The following MXRA8 variants were observed in gnomAD, a reference collection of about 807,000 sequenced individuals.
The protein encoded by MXRA8 is matrix remodeling associated 8.
MXRA8 carries 44 observed loss-of-function variants against 51.4 expected under a neutral mutation model. The observed-to-expected ratio is 0.86, with a 90% CI of 0.67 to 1.10. The LOEUF is 1.10. MXRA8 is among the 50% of genes least tolerant of loss of function. The probability of loss-of-function intolerance (pLI) is 0.00; values close to 1 mark genes in which losing one functional copy is unlikely to be tolerated. For missense variants in MXRA8, 765 were observed against 638.9 expected (o/e 1.20, Z -2.13); for synonymous variants, 369 against 293.5 (o/e 1.26, Z -2.63).
chr1:1,353,649 ACGG>A lies in MXRA8; in HGVS notation c.1304-23_1304-21del, dbSNP rs1327447438. 8 of 1,562,462 alleles carry A rather than the reference ACGG, an allele frequency of 5.1e-6. No individual in the cohort carries two copies. The African/African-American group carries it at 1.1e-4, about 21-fold the overall frequency. On this transcript the variant is annotated intron_variant, in intron 9 of 9. Coordinates refer to ENST00000309212, the MANE Select transcript of MXRA8 (RefSeq NM_032348.4). ...GGAACCCTGGAAGCCAAGGGCGCCA[ACGG>A]GTTGGCGGCTGTCCTCCACCCTCAT...
chr1:1,353,050 G>C lies in MXRA8; in HGVS notation c.*554C>G. On this transcript the variant is annotated 3_prime_UTR_variant, in exon 10 of 10. Coordinates refer to ENST00000309212, the MANE Select transcript of MXRA8 (RefSeq NM_032348.4). ...AGCAGGTCCCTGGGGAGAACAGATG[G>C]TGCCTGGAGTCCCACATGGTGGTAC... is the stretch of plus-strand genomic sequence containing the variant. 1.7e-6 allele frequency: 1 copy of C among 594,606 alleles called. No homozygotes were observed. The allele number at this position is 594,606 out of a possible 1,614,324, so 36.8% of individuals were successfully genotyped here.
At chr1:1,363,031 C>T (rs4970439), upstream of MXRA8, among the ~76,000 whole-genome samples, 132,762 of 151,430 alleles carry the variant, frequency 0.88, 58,567 homozygotes, top group Non-Finnish European at 0.94. Flanking sequence ...TGCAGTCAGC[C>T]GAGATTGCAC....
At position 1,354,193 on chromosome 1, in the gene MXRA8, C is replaced by T. The variant is rs1413207410; in HGVS notation, c.1145G>A (p.Gly382Glu). ...GGAGGGCCGGGAGGGGGGCACTCACCCCTTTGACTTTCCCGACTTCTGGTC... is the reference window on the plus strand; with the variant it reads ...GGAGGGCCGGGAGGGGGGCACTCACTCCTTTGACTTTCCCGACTTCTGGTC... ...YSDQKSGKSK[G>E]KDVNLAEFAV... The change falls in exon 7 of 10, where the codon GGG (glycine) becomes GAG (glutamate). Residue 382 changes from glycine (G) to glutamate (E), a missense_variant and splice_region_variant. Gly to Glu is a moderately conservative substitution (Grantham distance 98). Transcript: ENST00000309212. 6.2e-7 allele frequency: 1 copy of T among 1,612,710 alleles called. No homozygotes were observed. The highest frequency in any genetic ancestry group is 1.7e-5 in the Admixed American group (1 of 60,002).
At chr1:1,359,509 C>A, upstream of MXRA8, 1 of 985,466 alleles carries the variant, frequency 1.0e-6, no homozygotes, top group Non-Finnish European at 1.2e-6. Flanking sequence ...TCCGCCCGCC[C>A]ACTTGGAGTG....
upstream of MXRA8, chr1:1,361,432 A>C: frequency 5.6e-5 from 35 of 628,504 alleles, no homozygotes; most frequent in East Asian, 1.4e-4. Context: ...GGAATGAGAC[A>C]GGGGTCGGGG....
Position 1,354,052 on chromosome 1 carries a change from G to A in MXRA8, c.1200C>T (p.Tyr400=), listed in dbSNP as rs1014995351. Residue 400 remains tyrosine, a synonymous_variant, in exon 8 of 10, where the codon TAC becomes TAT. Coordinates refer to ENST00000309212, the MANE Select transcript of MXRA8 (RefSeq NM_032348.4). The part of the protein sequence containing the change: ...FAVAAGDQML[Y]RSEDIQLDYK... The stretch of plus-strand genomic sequence containing the variant: ...CACCTAGCTGGATGTCCTCACTCCT[G>A]TAAAGCATCTGGTCCCCTGCAGCCA... The A allele has an allele frequency of 1.2e-6, 2 of 1,612,938 alleles. No homozygotes were observed. The highest frequency in any genetic ancestry group is 8.5e-7 in the Non-Finnish European group (1 of 1,179,988).
In MXRA8 at chr1:1,355,046, G is replaced by C; in HGVS notation, c.585C>G (p.Asp195Glu). The change falls in exon 5 of 10, where the codon GAC becomes GAG. Residue 195 changes from aspartate to glutamate, a missense_variant. Asp to Glu is a conservative substitution (Grantham distance 45). Coordinates refer to ENST00000309212, the MANE Select transcript of MXRA8 (RefSeq NM_032348.4). ...TCVNRGHVWT[D>E]RHVEEAQQVV... ...CCTGTTGAGCCTCCTCCACGTGCCG[G>C]TCGGTCCACACGTGCCCGCGGTTCA... 2 of 1,607,976 alleles carry C rather than the reference G, an allele frequency of 1.2e-6. No homozygotes were observed. The highest frequency in any genetic ancestry group is 1.7e-6 in the Non-Finnish European group (2 of 1,178,362).
At chr1:1,354,277 G>A in intron 6 of MXRA8, 45 bp from the exon 7 acceptor site, 2 of 1,603,922 alleles carry the variant, frequency 1.2e-6, no homozygotes, top group Non-Finnish European at 1.7e-6. Context: ...CCCTTCCGCA[G>A]GTCCCCCAGC....
At chr1:1,360,434 C>G (rs113843160), upstream of MXRA8, among the ~76,000 whole-genome samples, 558 of 137,114 alleles carry the variant, frequency 4.1e-3, 3 homozygotes, top group African/African-American at 0.013. Context: ...ACCTGCTCCT[C>G]CCAGGGCCAG....
rs1282374390 is a variant in MXRA8, at chr1:1,353,215, C to G, written c.*389G>C. 7.7e-7 allele frequency: 1 copy of G among 1,304,398 alleles called. No homozygotes were observed. Among genetic ancestry groups the G allele is most frequent in the Non-Finnish European group, 1.1e-6 (1 of 923,718 alleles). The allele number at this position is 1,304,398 out of a possible 1,614,324, so 80.8% of individuals were successfully genotyped here. A position where few individuals can be genotyped will look rare whatever the true frequency, so the allele number is the denominator to read the frequency against. On this transcript the variant is annotated 3_prime_UTR_variant, in exon 10 of 10. Transcript: ENST00000309212. The stretch of plus-strand genomic sequence containing the variant: ...ATCTCCCAGCCCCCGACGAGCAGAG[C>G]CCTGGAGGAGTGGGACTCCTGCCCT...
upstream of MXRA8, among the ~76,000 whole-genome samples, chr1:1,362,196 C>T (rs1644230345): frequency 6.6e-6 from 1 of 152,100 alleles, no homozygotes; most frequent in Non-Finnish European, 1.5e-5. Flanking sequence ...TCGGAAGGCC[C>T]GGAAGAGGAG....
intron 1 of MXRA8, among the ~76,000 whole-genome samples, chr1:1,357,119 C>T (rs940337308): frequency 6.6e-6 from 1 of 152,192 alleles, no homozygotes; most frequent in Admixed American, 6.5e-5. Flanking sequence ...GGACCCCACA[C>T]CACACCTAAG....
chr1:1,359,215 C>T, upstream of MXRA8: 1 of 985,394 alleles, frequency 1.0e-6, no homozygotes, highest in Non-Finnish European at 1.2e-6. Context: ...GGTGAGCAGA[C>T]CTCTCCCTGC....
intron 1 of MXRA8, among the ~76,000 whole-genome samples, chr1:1,357,493 G>A (rs1004414860): frequency 2.0e-5 from 3 of 152,022 alleles, no homozygotes; most frequent in South Asian, 2.1e-4. Context: ...GGCTCGTGCC[G>A]CTTGCCTTAA....
chr1:1,362,824 C>A, upstream of MXRA8, among the ~76,000 whole-genome samples: 1 of 149,346 alleles, frequency 6.7e-6, no homozygotes, highest in East Asian at 2.0e-4. Context: ...TGGCTCACAT[C>A]GGTAATCCCA....
At chr1:1,358,756 T>G, upstream of MXRA8, 1 of 1,315,698 alleles carries the variant, frequency 7.6e-7, no homozygotes, top group East Asian at 3.1e-5. Context: ...GGAGGGGTGG[T>G]GACCGCACCC....
upstream of MXRA8, chr1:1,359,117 G>A (rs1644188563): frequency 6.1e-6 from 6 of 985,444 alleles, no homozygotes; most frequent in Non-Finnish European, 7.2e-6. Context: ...CAGGATGATG[G>A]ACGCTGCCAG....
rs1644176519 is a variant in MXRA8, at chr1:1,358,451, C to T, written c.49+5G>A. ...CCCACCCGCCTCCCAGGGCCCCACA[C>T]TCACTCTGCAGAAGCACAAGTTTCC... On this transcript the variant is annotated splice_donor_5th_base_variant and intron_variant, in intron 1 of 9. Coordinates refer to ENST00000309212, the MANE Select transcript of MXRA8 (RefSeq NM_032348.4). 1 of 1,612,326 alleles carries T rather than the reference C, an allele frequency of 6.2e-7. No individual in the cohort carries two copies. Among genetic ancestry groups the T allele is most frequent in the African/African-American group, 1.3e-5 (1 of 74,894 alleles).
upstream of MXRA8, chr1:1,361,582 G>C: frequency 2.1e-6 from 1 of 466,716 alleles, no homozygotes; most frequent in Non-Finnish European, 4.0e-6. Flanking sequence ...GGGACGCCAG[G>C]GACCCTGTGT....
Sources: allele counts gnomAD v4.1 joint callset (sites outside exome capture counted in the v4.1 genomes callset), GRCh38; gene constraint gnomAD v4.1.1; transcripts MANE v1.5; gene names NCBI Gene and HGNC (gene_info 2026-07-23, HGNC 2026-07-21).